The following CDH13 variants were observed in gnomAD, a reference collection of about 807,000 sequenced individuals.
The protein encoded by CDH13 is cadherin-13.
In CDH13, 24 loss-of-function variants were observed where a neutral mutation model predicts 63.8. The observed-to-expected ratio is 0.38, with a 90% CI of 0.27 to 0.53. CDH13 has a LOEUF of 0.53. CDH13 is among the 20% of genes least tolerant of loss of function. CDH13 has a pLI of 0.85. For synonymous variants in CDH13, 503 were observed against 355.3 expected (o/e 1.42, Z -4.67); for missense variants, 1,049 against 903.1 (o/e 1.16, Z -2.07).
intron 4 of CDH13, among the ~76,000 whole-genome samples, chr16:83,163,796 A>G (rs2037547995): frequency 6.6e-6 from 1 of 152,088 alleles, no homozygotes; most frequent in Non-Finnish European, 1.5e-5. Flanking sequence ...GCAAGAGATA[A>G]ACAAACCTTT....
chr16:82,819,017 C>G (rs2037866660), intron 1 of CDH13, among the ~76,000 whole-genome samples: 2 of 152,148 alleles, frequency 1.3e-5, no homozygotes, highest in South Asian at 4.1e-4. Flanking sequence ...TGTGGACATT[C>G]TTTCAGCAAA....
intron 8 of CDH13, among the ~76,000 whole-genome samples, chr16:83,603,121 G>A (rs1249194223): frequency 6.6e-6 from 1 of 152,162 alleles, no homozygotes; most frequent in African/African-American, 2.4e-5. Flanking sequence ...CATGGTTGTT[G>A]TTTCCCATTT....
intron 7 of CDH13, among the ~76,000 whole-genome samples, chr16:83,491,233 C>T (rs1205812619): frequency 3.3e-5 from 5 of 152,186 alleles, no homozygotes; most frequent in African/African-American, 1.2e-4. Flanking sequence ...ATAGGATGGA[C>T]AGGAGTATCT....
chr16:83,306,629 T>C (rs899049110), intron 5 of CDH13, among the ~76,000 whole-genome samples: 2 of 152,204 alleles, frequency 1.3e-5, no homozygotes, highest in Non-Finnish European at 2.9e-5. Context: ...TCTGTAATTA[T>C]TCATGGAATT....
At chr16:82,665,494 T>C (rs1388343901) in intron 1 of CDH13, among the ~76,000 whole-genome samples, 2 of 152,208 alleles carry the variant, frequency 1.3e-5, no homozygotes, top group Non-Finnish European at 2.9e-5. Flanking sequence ...ATATGTTAAG[T>C]ATTCATGGTG....
intron 3 of CDH13, among the ~76,000 whole-genome samples, chr16:83,064,284 G>A (rs1025776869): frequency 2.6e-5 from 4 of 152,096 alleles, no homozygotes; most frequent in Non-Finnish European, 4.4e-5. Context: ...TAGGAAAATC[G>A]CTTGAACCCG....
chr16:83,439,633 C>T (rs906655714), intron 6 of CDH13, among the ~76,000 whole-genome samples: 17 of 152,168 alleles, frequency 1.1e-4, no homozygotes, highest in African/African-American at 4.1e-4. Flanking sequence ...GCGATGGCTT[C>T]GGCAATGTTC....
intron 8 of CDH13, among the ~76,000 whole-genome samples, chr16:83,621,555 C>T (rs1478831429): frequency 1.7e-5 from 2 of 117,236 alleles, no homozygotes; most frequent in Non-Finnish European, 3.2e-5. Context: ...GGCATGATCT[C>T]GGCTCACCGC....
At chr16:83,575,908 T>A (rs1905055886) in intron 7 of CDH13, among the ~76,000 whole-genome samples, 1 of 152,156 alleles carries the variant, frequency 6.6e-6, no homozygotes, top group African/African-American at 2.4e-5. Flanking sequence ...ATAGTACTCT[T>A]TATTGTATTT....
intron 7 of CDH13, among the ~76,000 whole-genome samples, chr16:83,516,834 A>C (rs1273595663): frequency 6.6e-6 from 1 of 152,226 alleles, no homozygotes; most frequent in Non-Finnish European, 1.5e-5. Flanking sequence ...TGTTGTGTAC[A>C]ACAGGTGGAT....
intron 8 of CDH13, among the ~76,000 whole-genome samples, chr16:83,653,876 C>A (rs112514051): frequency 6.6e-6 from 1 of 152,122 alleles, no homozygotes; most frequent in Non-Finnish European, 1.5e-5. Context: ...GCGCTCAGCA[C>A]GGCGTCATCA....
intron 3 of CDH13, 103 bp from the exon 4 acceptor site, chr16:83,125,282 C>G: frequency 1.5e-6 from 1 of 676,818 alleles, no homozygotes; most frequent in Non-Finnish European, 2.7e-6. Flanking sequence ...GAACACTTTC[C>G]AAACAGCTGT....
At chr16:83,049,796 C>G (rs563981838) in intron 3 of CDH13, among the ~76,000 whole-genome samples, 24 of 152,280 alleles carry the variant, frequency 1.6e-4, no homozygotes, top group African/African-American at 5.3e-4. Flanking sequence ...ATGAACAACA[C>G]TGCTACCAAC....
intron 5 of CDH13, among the ~76,000 whole-genome samples, chr16:83,318,565 A>G (rs2090154504): frequency 6.6e-6 from 1 of 152,162 alleles, no homozygotes; most frequent in African/African-American, 2.4e-5. Context: ...GTTACTCAAA[A>G]TTGGCCTAGG....
intron 5 of CDH13, among the ~76,000 whole-genome samples, chr16:83,275,695 G>T (rs141994252): frequency 7.9e-5 from 12 of 152,224 alleles, no homozygotes; most frequent in Non-Finnish European, 1.6e-4. Flanking sequence ...TGTCACTTGT[G>T]ACTACAGGAT....
chr16:83,505,531 CTTTTTTT>C (rs5818453), intron 7 of CDH13, among the ~76,000 whole-genome samples: 1 of 97,376 alleles, frequency 1.0e-5, no homozygotes, highest in African/African-American at 4.2e-5. Flanking sequence ...GTGATTAATC[CTTTTTTT>C]TTTTTTTTTT....
chr16:83,104,018 A>G (rs1487138627), intron 3 of CDH13, among the ~76,000 whole-genome samples: 1 of 152,218 alleles, frequency 6.6e-6, no homozygotes, highest in African/African-American at 2.4e-5. Context: ...TCAGAGTTTC[A>G]TTATAAAATA....
At chr16:82,717,751 G>A (rs1242676908) in intron 1 of CDH13, among the ~76,000 whole-genome samples, 1 of 152,132 alleles carries the variant, frequency 6.6e-6, no homozygotes. Context: ...CATTAATTTG[G>A]CCACATCTGC....
chr16:83,100,546 A>G (rs1244477395), intron 3 of CDH13, among the ~76,000 whole-genome samples: 3 of 152,216 alleles, frequency 2.0e-5, no homozygotes, highest in Non-Finnish European at 4.4e-5. Flanking sequence ...GCTGAACTCT[A>G]TTTGTGCTCC....
Sources: gnomAD v4.1 joint callset for allele counts (sites outside exome capture counted in the v4.1 genomes callset) on GRCh38, gnomAD v4.1.1 for gene constraint, MANE v1.5 for transcripts, NCBI Gene and HGNC (gene_info 2026-07-23, HGNC 2026-07-21) for gene names.